TAFA1: variants seen among roughly 807,000 people sequenced by gnomAD.
TAFA1 encodes the protein TAFA chemokine like family member 1, also known as chemokine-like protein TAFA-1.
A neutral mutation model predicts 18.5 loss-of-function variants in TAFA1; 4 were observed. The observed-to-expected ratio is 0.22, with a 90% CI of 0.11 to 0.49. TAFA1 has a LOEUF of 0.49. Among genes scored for constraint, TAFA1 ranks in the 20% least tolerant of loss-of-function variants. TAFA1 has a pLI of 0.98. For missense variants in TAFA1, 147 were observed against 169.0 expected (o/e 0.87, Z 0.72); for synonymous variants, 56 against 55.2 (o/e 1.01, Z -0.06).
At chr3:68,188,209 A>G (rs1187203589) in intron 2 of TAFA1, among the ~76,000 whole-genome samples, 1 of 151,840 alleles carries the variant, frequency 6.6e-6, no homozygotes, top group Non-Finnish European at 1.5e-5. Flanking sequence ...TTTGTTTAGG[A>G]AATTCTAAAT....
At chr3:68,359,221 A>G (rs1353100640) in intron 2 of TAFA1, among the ~76,000 whole-genome samples, 1 of 151,988 alleles carries the variant, frequency 6.6e-6, no homozygotes, top group African/African-American at 2.4e-5. Context: ...AATATTCTTA[A>G]AATCATGTTA....
At chr3:68,055,693 G>T (rs754125212) in intron 2 of TAFA1, among the ~76,000 whole-genome samples, 22 of 151,984 alleles carry the variant, frequency 1.4e-4, no homozygotes, top group Non-Finnish European at 2.8e-4. Flanking sequence ...AACTTCTGAA[G>T]TCTCAGAGGG....
intron 2 of TAFA1, among the ~76,000 whole-genome samples, chr3:68,388,357 A>G (rs1481446237): frequency 2.0e-5 from 3 of 152,190 alleles, no homozygotes; most frequent in African/African-American, 7.2e-5. Flanking sequence ...TCCAAAGCAC[A>G]TTAGCAAATT....
intron 2 of TAFA1, among the ~76,000 whole-genome samples, chr3:68,357,482 G>A (rs531954063): frequency 2.4e-4 from 36 of 151,964 alleles, no homozygotes; most frequent in Admixed American, 7.2e-4. Flanking sequence ...TTTGGCTGCC[G>A]TTTAATTCCT....
chr3:68,215,112 G>A (rs936210413), intron 2 of TAFA1, among the ~76,000 whole-genome samples: 5 of 151,996 alleles, frequency 3.3e-5, no homozygotes, highest in Non-Finnish European at 7.4e-5. Context: ...GTGAATTTAT[G>A]CGGTTATAAC....
chr3:68,203,983 T>C (rs2066497503), intron 2 of TAFA1, among the ~76,000 whole-genome samples: 2 of 115,616 alleles, frequency 1.7e-5, no homozygotes, highest in South Asian at 6.3e-4. Flanking sequence ...CATCCCCTTG[T>C]AGTTTTTAGC....
chr3:68,149,692 G>T (rs999780901), intron 2 of TAFA1, among the ~76,000 whole-genome samples: 3 of 152,224 alleles, frequency 2.0e-5, no homozygotes, highest in Non-Finnish European at 4.4e-5. Context: ...AAACACCTCG[G>T]ATTAGACTCC....
At chr3:68,183,449 G>C (rs1236695835) in intron 2 of TAFA1, among the ~76,000 whole-genome samples, 1 of 152,124 alleles carries the variant, frequency 6.6e-6, no homozygotes, top group Non-Finnish European at 1.5e-5. Context: ...AAAGTGAGGT[G>C]CATATTAATA....
intron 2 of TAFA1, among the ~76,000 whole-genome samples, chr3:68,081,037 T>C (rs2064891640): frequency 6.6e-6 from 1 of 152,122 alleles, no homozygotes; most frequent in Non-Finnish European, 1.5e-5. Flanking sequence ...TCTCTAAACT[T>C]CCCTTCTTGC....
At chr3:68,449,089 G>A (rs961203973) in intron 3 of TAFA1, among the ~76,000 whole-genome samples, 2 of 152,132 alleles carry the variant, frequency 1.3e-5, no homozygotes, top group Non-Finnish European at 2.9e-5. Context: ...GGAGATTGGA[G>A]TCTACTGTGG....
intron 2 of TAFA1, among the ~76,000 whole-genome samples, chr3:68,206,695 A>G (rs1175332938): frequency 6.6e-6 from 1 of 151,970 alleles, no homozygotes; most frequent in African/African-American, 2.4e-5. Context: ...TTCTGTGTGC[A>G]GACAAGAGAG....
At chr3:68,515,483 T>A (rs1161531426) in intron 3 of TAFA1, among the ~76,000 whole-genome samples, 1 of 152,168 alleles carries the variant, frequency 6.6e-6, no homozygotes, top group Non-Finnish European at 1.5e-5. Flanking sequence ...ACCTAAAGCA[T>A]CTGACTAACA....
At chr3:68,508,590 C>T (rs2072799568) in intron 3 of TAFA1, among the ~76,000 whole-genome samples, 1 of 152,048 alleles carries the variant, frequency 6.6e-6, no homozygotes, top group African/African-American at 2.4e-5. Flanking sequence ...TTTGGCTCCT[C>T]TGTGCTAAAA....
At chr3:68,195,049 A>C (rs559187562) in intron 2 of TAFA1, among the ~76,000 whole-genome samples, 1 of 151,594 alleles carries the variant, frequency 6.6e-6, no homozygotes, top group South Asian at 2.1e-4. Flanking sequence ...CTGGGTCCTC[A>C]CATGCTGCTT....
At chr3:68,433,264 T>G (rs1343863736) in intron 3 of TAFA1, among the ~76,000 whole-genome samples, 1 of 152,068 alleles carries the variant, frequency 6.6e-6, no homozygotes, top group Non-Finnish European at 1.5e-5. Flanking sequence ...TCAGAACTCC[T>G]TAGTTCCTCT....
Position 68,485,118 on chromosome 3 carries a change from G to A in TAFA1, c.260-53638G>A, listed in dbSNP as rs556061955. On this transcript the variant is annotated intron_variant, in intron 3 of 4. Transcript: ENST00000478136. ...CATGGGTTGCAGTCTCCAGCCTCTGGGGCCTCTAATCCACCCAGAACAAAT... is the reference window on the plus strand; with the variant it reads ...CATGGGTTGCAGTCTCCAGCCTCTGAGGCCTCTAATCCACCCAGAACAAAT... Among the ~76,000 whole-genome samples, 4 of 152,092 alleles carry A rather than the reference G, an allele frequency of 2.6e-5. No homozygotes were observed. In the South Asian group the frequency reaches 8.3e-4, roughly 32 times the overall value.
At position 68,356,636 on chromosome 3, in the gene TAFA1, C is replaced by A. The variant is rs1198081357; in HGVS notation, c.119-60644C>A. 2.0e-5 allele frequency among the ~76,000 whole-genome samples: 3 copies of A among 151,890 alleles called. No homozygotes were observed. The East Asian group carries it at 5.8e-4, about 30-fold the overall frequency. On this transcript the variant is annotated intron_variant, in intron 2 of 4. Coordinates refer to ENST00000478136, the MANE Select transcript of TAFA1 (RefSeq NM_213609.4). The stretch of plus-strand genomic sequence containing the variant: ...CATCCTGTGAGATGGCTTCTCACAC[C>A]AAAGATCCTAAAACTTAGAGAGATT...
chr3:68,298,037 C>A (rs1471353282), intron 2 of TAFA1, among the ~76,000 whole-genome samples: 1 of 152,162 alleles, frequency 6.6e-6, no homozygotes, highest in Non-Finnish European at 1.5e-5. Context: ...CCCTCTCAGA[C>A]AAAATTGTTT....
intron 2 of TAFA1, among the ~76,000 whole-genome samples, chr3:68,180,012 T>TTTATTATTATTA (rs35696872): frequency 0.18 from 25,809 of 140,102 alleles, 2,552 homozygotes; most frequent in East Asian, 0.29. Context: ...AACACATAAT[T>TTTATTATTATTA]TTATTATTAT....
Sources: allele counts gnomAD v4.1 joint callset (sites outside exome capture counted in the v4.1 genomes callset), GRCh38; gene constraint gnomAD v4.1.1; transcripts MANE v1.5; gene names NCBI Gene and HGNC (gene_info 2026-07-23, HGNC 2026-07-21).